The following GULP1 variants were observed in gnomAD, a reference collection of about 807,000 sequenced individuals.
The protein encoded by GULP1 is GULP PTB domain containing engulfment adaptor 1.
A neutral mutation model predicts 40.9 loss-of-function variants in GULP1; 19 were observed. The observed-to-expected ratio is 0.46, with a 90% CI of 0.32 to 0.68. GULP1 has a LOEUF of 0.68. Among genes scored for constraint, GULP1 ranks in the 30% least tolerant of loss-of-function variants. The pLI is 0.03. For missense variants in GULP1, 312 were observed against 362.2 expected (o/e 0.86, Z 1.12); for synonymous variants, 119 against 117.6 (o/e 1.01, Z -0.08).
chr2:188,430,475 G>C (rs1486352603), intron 2 of GULP1, among the ~76,000 whole-genome samples: 3 of 152,202 alleles, frequency 2.0e-5, no homozygotes, highest in African/African-American at 7.2e-5. Context: ...AGGAAGACCA[G>C]TACTATGTCA....
At chr2:188,511,959 T>G (rs2064607434) in intron 4 of GULP1, among the ~76,000 whole-genome samples, 1 of 152,174 alleles carries the variant, frequency 6.6e-6, no homozygotes, top group South Asian at 2.1e-4. Context: ...ATTATAGTTT[T>G]GATTAATAAG....
intron 2 of GULP1, among the ~76,000 whole-genome samples, chr2:188,412,808 G>C (rs1011773280): frequency 7.9e-5 from 12 of 152,146 alleles, no homozygotes; most frequent in African/African-American, 2.7e-4. Flanking sequence ...CAGGAATAAA[G>C]TCAATCACAT....
At chr2:188,398,641 C>T (rs2051643395) in intron 2 of GULP1, among the ~76,000 whole-genome samples, 1 of 152,086 alleles carries the variant, frequency 6.6e-6, no homozygotes, top group African/African-American at 2.4e-5. Context: ...ATGTTGTTCT[C>T]TGTGTTGCAA....
chr2:188,381,646 A>T (rs933819341), intron 1 of GULP1, among the ~76,000 whole-genome samples: 2 of 152,180 alleles, frequency 1.3e-5, no homozygotes, highest in African/African-American at 4.8e-5. Flanking sequence ...CAAAAGAAAA[A>T]TGGAAAAACT....
In GULP1 at chr2:188,461,594, G is replaced by A. The variant is rs375455085; in HGVS notation, c.-44-16065G>A. Among the ~76,000 whole-genome samples, 17 of 151,888 alleles carry A rather than the reference G, an allele frequency of 1.1e-4. 1 individual carries two copies. The South Asian group carries it at 2.1e-3, about 19-fold the overall frequency. On this transcript the variant is annotated intron_variant, in intron 2 of 11. Transcript: ENST00000409830. ...TGCTGGGATTATAGGCTGAACCACC[G>A]TGACTGGCCCTGGGAACCTTTTAAT...
intron 7 of GULP1, among the ~76,000 whole-genome samples, chr2:188,559,714 G>T (rs1162662634): frequency 6.6e-6 from 1 of 152,128 alleles, no homozygotes; most frequent in Admixed American, 6.5e-5. Context: ...CATGAGATTT[G>T]GAGAGGCCAG....
intron 1 of GULP1, among the ~76,000 whole-genome samples, chr2:188,357,619 T>C (rs1255424790): frequency 6.6e-6 from 1 of 152,112 alleles, no homozygotes; most frequent in East Asian, 1.9e-4. Flanking sequence ...TTAGCACAGC[T>C]ATTACAGGAA....
chr2:188,301,205 C>G (rs1024377857), intron 1 of GULP1, among the ~76,000 whole-genome samples: 6 of 152,074 alleles, frequency 3.9e-5, no homozygotes, highest in African/African-American at 1.4e-4. Context: ...ACAATTCCTT[C>G]TAGAGACAGG....
intron 1 of GULP1, among the ~76,000 whole-genome samples, chr2:188,351,093 T>G (rs1371760863): frequency 6.6e-6 from 1 of 152,108 alleles, no homozygotes; most frequent in Non-Finnish European, 1.5e-5. Context: ...TAAAAAATGG[T>G]TGGAATTTGA....
At chr2:188,366,356 T>C (rs1448010511) in intron 1 of GULP1, among the ~76,000 whole-genome samples, 1 of 152,148 alleles carries the variant, frequency 6.6e-6, no homozygotes. Flanking sequence ...GATTGATGTT[T>C]ATGAAGTTCA....
intron 3 of GULP1, among the ~76,000 whole-genome samples, chr2:188,479,205 GAGA>G (rs1319009098): frequency 2.0e-5 from 3 of 152,072 alleles, no homozygotes; most frequent in Non-Finnish European, 4.4e-5. Context: ...GGATGTGGCA[GAGA>G]AGATTAATGT....
chr2:188,307,278 G>A lies in GULP1; in HGVS notation c.-172+15112G>A, dbSNP rs538527118. 1.9e-4 allele frequency among the ~76,000 whole-genome samples: 29 copies of A among 152,162 alleles called. No homozygotes were observed. In the Middle Eastern group the frequency reaches 0.01, roughly 54 times the overall value. On this transcript the variant is annotated intron_variant, in intron 1 of 11. Transcript: ENST00000409830. Reference sequence around the variant, plus strand: ...TAAATACAGGTAGAACAACTTCAACGTATCATGTAATTTGTGACTTACAAA... The same window carrying A: ...TAAATACAGGTAGAACAACTTCAACATATCATGTAATTTGTGACTTACAAA...
At chr2:188,588,121 C>T (rs1256894955) in intron 11 of GULP1, 172 bp downstream of exon 11, 1 of 638,222 alleles carries the variant, frequency 1.6e-6, no homozygotes, top group Admixed American at 2.5e-5. Context: ...AATACTCCTA[C>T]ATATGCTAAG....
intron 2 of GULP1, among the ~76,000 whole-genome samples, chr2:188,387,700 A>G (rs1286138748): frequency 1.3e-5 from 2 of 152,112 alleles, no homozygotes; most frequent in Admixed American, 6.6e-5. Flanking sequence ...CTGGCAAACC[A>G]TAGGGATGGG....
chr2:188,334,049 G>A (rs2041959586), intron 1 of GULP1, among the ~76,000 whole-genome samples: 1 of 152,084 alleles, frequency 6.6e-6, no homozygotes, highest in Non-Finnish European at 1.5e-5. Context: ...CCACCCCAAC[G>A]CTGAACTCCT....
At chr2:188,503,761 A>G (rs2063656751) in intron 4 of GULP1, among the ~76,000 whole-genome samples, 1 of 151,872 alleles carries the variant, frequency 6.6e-6, no homozygotes, top group African/African-American at 2.4e-5. Context: ...ATGTAATAAC[A>G]CACACCAAAT....
At chr2:188,529,013 A>G (rs1260549853) in intron 5 of GULP1, 84 bp from the exon 6 acceptor site, 3 of 684,822 alleles carry the variant, frequency 4.4e-6, no homozygotes, top group Non-Finnish European at 5.0e-6. Context: ...CTGAAATTGA[A>G]TATGAACTCC....
At chr2:188,447,213 A>G (rs897199813) in intron 2 of GULP1, among the ~76,000 whole-genome samples, 6 of 152,354 alleles carry the variant, frequency 3.9e-5, no homozygotes, top group Non-Finnish European at 5.9e-5. Context: ...TATGATGCAG[A>G]TGAAGCCTCC....
At chr2:188,551,024 G>T (rs927504759) in intron 7 of GULP1, among the ~76,000 whole-genome samples, 1 of 151,494 alleles carries the variant, frequency 6.6e-6, no homozygotes, top group African/African-American at 2.4e-5. Context: ...CAACAAGCAG[G>T]AGTGACCAGC....
Sources: allele counts gnomAD v4.1 joint callset (sites outside exome capture counted in the v4.1 genomes callset), GRCh38; gene constraint gnomAD v4.1.1; transcripts MANE v1.5; gene names NCBI Gene and HGNC (gene_info 2026-07-23, HGNC 2026-07-21).